The following RAB27A variants were observed in gnomAD, a reference collection of about 807,000 sequenced individuals.
RAB27A encodes ras-related protein Rab-27A.
In RAB27A, 17 loss-of-function variants were observed where a neutral mutation model predicts 20.8. The observed-to-expected ratio is 0.82, with a 90% confidence interval of 0.56 to 1.23. RAB27A has a LOEUF of 1.23. RAB27A is among the 50% of genes most tolerant of loss of function. The pLI, the probability that RAB27A is intolerant of heterozygous loss-of-function variation, is 0.00. For missense variants in RAB27A, 277 were observed against 266.7 expected, an observed-to-expected ratio of 1.04 and a Z score of -0.27; for synonymous variants, 85 against 92.8, an observed-to-expected ratio of 0.92 and a Z score of 0.48.
chr15:55,265,861 T>G (rs1039012092), intron 2 of RAB27A, among the ~76,000 whole-genome samples: 1 of 152,170 alleles, frequency 6.6e-6, no homozygotes, highest in Non-Finnish European at 1.5e-5. Flanking sequence ...GGAAAGTGTT[T>G]GAGACCTGGG....
At chr15:55,284,956 C>A (rs1445861626) in intron 1 of RAB27A, among the ~76,000 whole-genome samples, 1 of 152,154 alleles carries the variant, frequency 6.6e-6, no homozygotes, top group Admixed American at 6.5e-5. Flanking sequence ...TCAGCCATGG[C>A]TCAATCATTC....
At chr15:55,317,963 TATA>T (rs941560654) in intron 1 of RAB27A, 27 of 334,444 alleles carry the variant, frequency 8.1e-5, no homozygotes, top group Middle Eastern at 8.2e-4. Context: ...ACAATATTTT[TATA>T]ATATGTTACT....
intron 2 of RAB27A, among the ~76,000 whole-genome samples, chr15:55,302,364 G>A (rs958735491): frequency 3.3e-5 from 5 of 151,902 alleles, no homozygotes; most frequent in East Asian, 1.9e-4. Flanking sequence ...ACGGAGTCTC[G>A]TTCACTCAGT....
rs987997548 is a variant in RAB27A, at chr15:55,204,254, A to G, written c.*1253T>C. On this transcript the variant is annotated 3_prime_UTR_variant, in exon 7 of 7. Transcript: ENST00000336787. ...TTTATAAACAACTTCCATGAAACAT[A>G]TATTAAAACCACCTTTAATTTGGTA... 5 of 152,232 alleles carry G rather than the reference A, an allele frequency of 3.3e-5. No homozygotes were observed. The highest frequency in any genetic ancestry group is 9.6e-5 in the African/African-American group (4 of 41,466). The allele number at this position is 152,232 out of a possible 1,614,324, so 9.4% of individuals were successfully genotyped here. A position where few individuals can be genotyped will look rare whatever the true frequency, so the allele number is the denominator to read the frequency against.
At chr15:55,239,361 C>T (rs1896390938) in intron 2 of RAB27A, among the ~76,000 whole-genome samples, 1 of 152,062 alleles carries the variant, frequency 6.6e-6, no homozygotes, top group Admixed American at 6.6e-5. Flanking sequence ...TCAGAAGCAA[C>T]AAAAACAACA....
chr15:55,265,188 G>A (rs896319585), intron 2 of RAB27A, among the ~76,000 whole-genome samples: 1 of 152,122 alleles, frequency 6.6e-6, no homozygotes, highest in Non-Finnish European at 1.5e-5. Context: ...GTTGCAGCCA[G>A]CCGAGATCGC....
Position 55,205,072 on chromosome 15 carries a change from T to C in RAB27A, c.*435A>G, listed in dbSNP as rs1894576867. 4.6e-6 allele frequency: 1 copy of C among 215,614 alleles called. No individual in the cohort carries two copies. Among genetic ancestry groups the C allele is most frequent in the South Asian group, 6.8e-5 (1 of 14,610 alleles). The allele number at this position is 215,614 out of a possible 1,614,324, so 13.4% of individuals were successfully genotyped here. On this transcript the variant is annotated 3_prime_UTR_variant, in exon 7 of 7. Coordinates refer to ENST00000336787, the MANE Select transcript of RAB27A (RefSeq NM_183235.3). ...TAATGGTATTTTAGAATGTCACCTA[T>C]GGCATGAGTCTTCAAATCTGGATTG...
At chr15:55,294,350 G>T (rs1191049527), upstream of RAB27A, among the ~76,000 whole-genome samples, 2 of 152,066 alleles carry the variant, frequency 1.3e-5, no homozygotes, top group Non-Finnish European at 1.5e-5. Context: ...TACTTTGGGA[G>T]GCCAACATAG....
At chr15:55,211,038 C>G (rs1895003279) in intron 6 of RAB27A, among the ~76,000 whole-genome samples, 1 of 152,032 alleles carries the variant, frequency 6.6e-6, no homozygotes, top group Admixed American at 6.5e-5. Context: ...CCCCTCTGTT[C>G]TTGGTACTTT....
At chr15:55,302,537 C>T (rs1476847228) in intron 2 of RAB27A, among the ~76,000 whole-genome samples, 4 of 149,560 alleles carry the variant, frequency 2.7e-5, no homozygotes, top group South Asian at 2.2e-4. Context: ...GGCCGCCCAT[C>T]GTCTGGGATG....
intron 2 of RAB27A, among the ~76,000 whole-genome samples, chr15:55,259,490 T>C (rs540086417): frequency 6.6e-6 from 1 of 152,038 alleles, no homozygotes; most frequent in East Asian, 1.9e-4. Flanking sequence ...TCTCACTATG[T>C]TGCCCAAGCT....
At chr15:55,263,842 C>T (rs1439375448) in intron 2 of RAB27A, among the ~76,000 whole-genome samples, 1 of 152,076 alleles carries the variant, frequency 6.6e-6, no homozygotes, top group Non-Finnish European at 1.5e-5. Context: ...ATTTGAGGAA[C>T]GATGTTAGAG....
rs1326664267 is a variant in RAB27A at position 55,204,291 on chromosome 15, T to A, written c.*1216A>T. 1 of 152,220 alleles carries A rather than the reference T, an allele frequency of 6.6e-6. No homozygotes were observed. The highest frequency in any genetic ancestry group is 1.5e-5 in the Non-Finnish European group (1 of 68,030). The allele number at this position is 152,220 out of a possible 1,614,324, so 9.4% of individuals were successfully genotyped here. A position where few individuals can be genotyped will look rare whatever the true frequency, so the allele number is the denominator to read the frequency against. On this transcript the variant is annotated 3_prime_UTR_variant, in exon 7 of 7. Coordinates refer to ENST00000336787, the MANE Select transcript of RAB27A (RefSeq NM_183235.3). Reference sequence around the variant, plus strand: ...CCTTTAATTTGGTATGAAGACACTTTGGCAATGCAGCGGAATAAATGATCT... The same window carrying A: ...CCTTTAATTTGGTATGAAGACACTTAGGCAATGCAGCGGAATAAATGATCT...
Position 55,308,368 on chromosome 15 carries a change from G to C in RAB27A, c.-112+5671C>G, listed in dbSNP as rs577338947. Among the ~76,000 whole-genome samples the C allele has an allele frequency of 2.6e-5, 4 of 152,294 alleles. No individual in the cohort carries two copies. In the South Asian group the frequency reaches 8.3e-4, roughly 32 times the overall value. Reference sequence around the variant, plus strand: ...ATGGAGGACTAGGTAAGCATACTTAGAGTCTGTATATATATTTACCCTTTT... The same window carrying C: ...ATGGAGGACTAGGTAAGCATACTTACAGTCTGTATATATATTTACCCTTTT... On this transcript the variant is annotated intron_variant, in intron 2 of 5. Coordinates refer to the RAB27A transcript ENST00000563262.
chr15:55,293,643 C>T (rs1175211590), upstream of RAB27A, among the ~76,000 whole-genome samples: 2 of 152,076 alleles, frequency 1.3e-5, no homozygotes, highest in Non-Finnish European at 1.5e-5. Flanking sequence ...CATGGCCAGG[C>T]GCGGTGGCTC....
chr15:55,223,827 A>C, intron 6 of RAB27A, 62 bp downstream of exon 6: 2 of 1,590,434 alleles, frequency 1.3e-6, no homozygotes, highest in Non-Finnish European at 1.7e-6. Flanking sequence ...TTTCATTACC[A>C]TTCACCTGCT....
chr15:55,282,211 G>C (rs144390969), intron 1 of RAB27A, among the ~76,000 whole-genome samples: 114 of 152,292 alleles, frequency 7.5e-4, no homozygotes, highest in African/African-American at 2.6e-3. Flanking sequence ...ATTTTGGATT[G>C]TCCACAGTAC....
chr15:55,303,232 G>A (rs1165867731), intron 2 of RAB27A, among the ~76,000 whole-genome samples: 1 of 92,978 alleles, frequency 1.1e-5, no homozygotes. Flanking sequence ...CCTCAGCCCG[G>A]CCAGCCGCCC....
intron 2 of RAB27A, among the ~76,000 whole-genome samples, chr15:55,299,098 T>C (rs967328957): frequency 6.6e-6 from 1 of 152,174 alleles, no homozygotes; most frequent in Non-Finnish European, 1.5e-5. Context: ...AAGACAGGCA[T>C]AGAAAATCAC....
Sources: gnomAD v4.1 joint callset for allele counts (sites outside exome capture counted in the v4.1 genomes callset) on GRCh38, gnomAD v4.1.1 for gene constraint, MANE v1.5 for transcripts, NCBI Gene and HGNC (gene_info 2026-07-23, HGNC 2026-07-21) for gene names.